The following ANAPC1 variants were observed in gnomAD, a reference collection of about 807,000 sequenced individuals.
ANAPC1 encodes the protein anaphase promoting complex subunit 1, also known as anaphase-promoting complex subunit 1.
Under a neutral mutation model 208.0 loss-of-function variants are expected in ANAPC1, and 36 were observed. That is an observed-to-expected ratio of 0.17 (90% CI 0.13 to 0.23). ANAPC1 has a LOEUF of 0.23. ANAPC1 is among the 10% of genes least tolerant of loss of function. The probability of loss-of-function intolerance (pLI) is 1.00; values close to 1 mark genes in which losing one functional copy is unlikely to be tolerated. For synonymous variants in ANAPC1, 378 were observed against 695.2 expected (o/e 0.54, Z 7.18); for missense variants, 942 against 2,011.6 (o/e 0.47, Z 10.17).
At chr2:111,842,604 T>C (rs1470192951) in intron 17 of ANAPC1, among the ~76,000 whole-genome samples, 27 of 149,456 alleles carry the variant, frequency 1.8e-4, no homozygotes, top group South Asian at 6.4e-4. Context: ...GATTGCGCCA[T>C]TGCACTCCAG....
At chr2:111,870,966 T>A (rs1315025301) in intron 6 of ANAPC1, among the ~76,000 whole-genome samples, 5 of 152,190 alleles carry the variant, frequency 3.3e-5, no homozygotes, top group Non-Finnish European at 7.3e-5. Context: ...CCAATTTATG[T>A]TTTTGTAAGC....
At chr2:111,883,567 A>G (rs904325702) in intron 1 of ANAPC1, among the ~76,000 whole-genome samples, 2 of 151,862 alleles carry the variant, frequency 1.3e-5, no homozygotes, top group Non-Finnish European at 2.9e-5. Flanking sequence ...AATGCACACT[A>G]ACGGGAGCTT....
At chr2:111,883,574 G>C (rs1683439651) in intron 1 of ANAPC1, among the ~76,000 whole-genome samples, 3 of 151,712 alleles carry the variant, frequency 2.0e-5, no homozygotes, top group Admixed American at 2.0e-4. Flanking sequence ...ACTAACGGGA[G>C]CTTAAGTCTC....
chr2:111,881,872 T>C lies in ANAPC1; in HGVS notation c.-24-1023A>G, dbSNP rs1683315480. 2.0e-5 allele frequency among the ~76,000 whole-genome samples: 3 copies of C among 152,166 alleles called. No homozygotes were observed. The South Asian group carries it at 6.2e-4, about 31-fold the overall frequency. On this transcript the variant is annotated intron_variant, in intron 1 of 47. Coordinates refer to ENST00000341068, the MANE Select transcript of ANAPC1 (RefSeq NM_022662.4). ...CTTCATTCTCTGACCAATCAATACC[T>C]TAACCCACTACCCTCTCTTTAAAAC...
intron 29 of ANAPC1, among the ~76,000 whole-genome samples, chr2:111,807,573 T>A (rs1265169934): frequency 3.3e-5 from 5 of 150,784 alleles, no homozygotes; most frequent in African/African-American, 1.2e-4. Flanking sequence ...GCGCCTGTAG[T>A]CCCAGCTACT....
chr2:111,766,998 G>C (rs1400750309), downstream of ANAPC1: 1 of 470,332 alleles, frequency 2.1e-6, no homozygotes, highest in Non-Finnish European at 4.4e-6. Flanking sequence ...CAGAAGACCT[G>C]CAAGGGAGGA....
At chr2:111,880,226 A>G (rs375957537) in intron 2 of ANAPC1, among the ~76,000 whole-genome samples, 1 of 151,306 alleles carries the variant, frequency 6.6e-6, no homozygotes, top group African/African-American at 2.4e-5. Context: ...ATACAAAATT[A>G]GTAGGGGTGG....
chr2:111,778,782 C>G lies in ANAPC1; in HGVS notation c.5290-12G>C, dbSNP rs1558658613. The G allele has an allele frequency of 1.2e-6, 2 of 1,608,324 alleles. No homozygotes were observed. Among genetic ancestry groups the G allele is most frequent in the African/African-American group, 1.3e-5 (1 of 74,782 alleles). ...AGAATTTCCTGTTTCTGCAGAAAAT[C>G]AGAAGTTTTGTAGCACAAAGTATAT... On this transcript the variant is annotated splice_polypyrimidine_tract_variant and intron_variant, in intron 44 of 47. Transcript: ENST00000341068.
At chr2:111,798,238 A>G (rs1678258705) in intron 34 of ANAPC1, among the ~76,000 whole-genome samples, 1 of 151,444 alleles carries the variant, frequency 6.6e-6, no homozygotes, top group African/African-American at 2.4e-5. Context: ...AGCAACCAAG[A>G]AAGAATGACA....
At chr2:111,837,206 T>A (rs1271552076) in intron 18 of ANAPC1, among the ~76,000 whole-genome samples, 3 of 152,208 alleles carry the variant, frequency 2.0e-5, no homozygotes, top group Non-Finnish European at 4.4e-5. Context: ...GAATAAATCT[T>A]ATACCAAAGA....
intron 28 of ANAPC1, among the ~76,000 whole-genome samples, chr2:111,810,146 AC>A (rs1257861029): frequency 6.6e-6 from 1 of 152,258 alleles, no homozygotes; most frequent in Non-Finnish European, 1.5e-5. Context: ...GATAGATGGT[AC>A]AACATGGATG....
chr2:111,856,516 A>G lies in ANAPC1; in HGVS notation c.1515+98T>C, dbSNP rs556594246. ...TCTGCCAAATTGTGCAGACAGGAAC[A>G]TAACAAATTTAAAATATCAATCTAA... On this transcript the variant is annotated intron_variant, in intron 13 of 47. Coordinates refer to ENST00000341068, the MANE Select transcript of ANAPC1 (RefSeq NM_022662.4). 2.0e-4 allele frequency: 244 copies of G among 1,213,470 alleles called. 4 individuals are homozygous for G. The South Asian group carries it at 3.2e-3, about 16-fold the overall frequency. 75.2% of individuals were successfully genotyped at this position (1,213,470 alleles called of 1,614,324 possible).
intron 34 of ANAPC1, among the ~76,000 whole-genome samples, chr2:111,797,501 T>C (rs534229545): frequency 6.8e-6 from 1 of 146,610 alleles, no homozygotes; most frequent in South Asian, 2.2e-4. Flanking sequence ...GCGAGTCATT[T>C]AAAACAATTC....
intron 1 of ANAPC1, among the ~76,000 whole-genome samples, chr2:111,883,157 C>CT (rs1163362983): frequency 9.0e-6 from 1 of 110,732 alleles, no homozygotes; most frequent in African/African-American, 3.4e-5. Flanking sequence ...CAGAACAAGA[C>CT]TCCTTCTCAA....
At chr2:111,770,201 T>TTATA (rs3055943) in intron 47 of ANAPC1, among the ~76,000 whole-genome samples, 1,677 of 80,870 alleles carry the variant, frequency 0.021, 13 homozygotes, top group East Asian at 0.042. Flanking sequence ...TTGTTTAATT[T>TTATA]TATATATATA....
chr2:111,870,200 CATA>C (rs755713022), intron 6 of ANAPC1, among the ~76,000 whole-genome samples: 2 of 152,200 alleles, frequency 1.3e-5, no homozygotes, highest in African/African-American at 4.8e-5. Context: ...ATCTTTTTCA[CATA>C]ATGACTTTTA....
In ANAPC1 at chr2:111,880,799, T is replaced by C; in HGVS notation, c.27A>G (p.Thr9=). 6.2e-7 allele frequency: 1 copy of C among 1,613,930 alleles called. No individual in the cohort carries two copies. The highest frequency in any genetic ancestry group is 8.5e-7 in the Non-Finnish European group (1 of 1,179,862). Residue 9 remains threonine (T), a synonymous_variant, in exon 2 of 48, where the codon ACA becomes ACG. Coordinates refer to ENST00000341068, the MANE Select transcript of ANAPC1 (RefSeq NM_022662.4). MSNFYEER[T]TMIAARDLQE... The stretch of plus-strand genomic sequence containing the variant: ...GCAAATCCCTTGCTGCAATCATCGT[T>C]GTCCTTTCTTCATAGAAGTTCGACA...
At chr2:111,851,777 T>G (rs1681413534) in intron 13 of ANAPC1, among the ~76,000 whole-genome samples, 1 of 148,762 alleles carries the variant, frequency 6.7e-6, no homozygotes, top group South Asian at 2.1e-4. Flanking sequence ...GCCACTGCAC[T>G]CCAGCCCAGG....
chr2:111,833,086 T>C (rs1573419668), intron 20 of ANAPC1, 134 bp downstream of exon 20: 1 of 1,300,566 alleles, frequency 7.7e-7, no homozygotes, highest in Non-Finnish European at 1.0e-6. Context: ...CGAACTAAAA[T>C]CTGCCTGGTG....
Sources: gnomAD v4.1 joint callset for allele counts (sites outside exome capture counted in the v4.1 genomes callset) on GRCh38, gnomAD v4.1.1 for gene constraint, MANE v1.5 for transcripts, NCBI Gene and HGNC (gene_info 2026-07-23, HGNC 2026-07-21) for gene names.